Variants in FRYL observed in about 807,000 individuals in gnomAD.
The protein encoded by FRYL is protein furry homolog-like.
Under a neutral mutation model 351.2 loss-of-function variants are expected in FRYL, and 150 were observed. That is an observed-to-expected ratio of 0.43 (90% confidence interval 0.37 to 0.49). The LOEUF (loss-of-function observed/expected upper bound fraction) is 0.49, where lower values mean the gene tolerates loss of function less well. FRYL is among the 20% of genes least tolerant of loss of function. The pLI, the probability that FRYL is intolerant of heterozygous loss-of-function variation, is 0.00. For missense variants in FRYL, 3,036 were observed against 3,619.3 expected, an observed-to-expected ratio of 0.84 and a Z score of 4.13; for synonymous variants, 1,153 against 1,257.1, an observed-to-expected ratio of 0.92 and a Z score of 1.75.
At chr4:48,648,931 C>T (rs1396843953) in intron 3 of FRYL, among the ~76,000 whole-genome samples, 1 of 152,018 alleles carries the variant, frequency 6.6e-6, no homozygotes, top group African/African-American at 2.4e-5. Context: ...ACACTAAAAC[C>T]CACCAAATTG....
In FRYL at chr4:48,505,685, A is replaced by ATGGTGTTGT. The variant is rs1385699659; in HGVS notation, c.8395-71_8395-70insACAACACCA. ...GTAGTGTAACAGCCTGTCCATATACAACACCAAACTTAAAGTTAACTTGAA... is the reference window on the plus strand; with the variant it reads ...GTAGTGTAACAGCCTGTCCATATACATGGTGTTGTACACCAAACTTAAAGTTAACTTGAA... On this transcript the variant is annotated intron_variant, in intron 59 of 63. Coordinates refer to ENST00000358350, the MANE Select transcript of FRYL (RefSeq NM_015030.2). 46 of 910,926 alleles carry ATGGTGTTGT rather than the reference A, an allele frequency of 5.0e-5. No individual in the cohort carries two copies. In the African/African-American group the frequency reaches 7.2e-4, roughly 14 times the overall value. The allele number at this position is 910,926 out of a possible 1,614,324, so 56.4% of individuals were successfully genotyped here.
chr4:48,512,340 A>C, intron 57 of FRYL, 141 bp downstream of exon 57: 1 of 617,350 alleles, frequency 1.6e-6, no homozygotes, highest in East Asian at 2.8e-5. Flanking sequence ...GTGTCAATGT[A>C]AGTAATACCA....
In FRYL at chr4:48,510,929, T is replaced by C. The variant is rs368427484; in HGVS notation, c.8201A>G (p.Asp2734Gly). 4.3e-6 allele frequency: 7 copies of C among 1,612,510 alleles called. No individual in the cohort carries two copies. Among genetic ancestry groups the C allele is most frequent in the African/African-American group, 2.7e-5 (2 of 75,024 alleles). Residue 2734 changes from aspartate to glycine, a missense_variant, in exon 58 of 64, where the codon GAT becomes GGT. Physicochemically the swap from Asp to Gly is moderately conservative, Grantham distance 94 (BLOSUM62 -1). Around this residue, in one of 7 missense-constraint regions of FRYL, gnomAD observed 1,987 missense variants for 2,311.7 expected, o/e 0.86. Coordinates refer to ENST00000358350, the MANE Select transcript of FRYL (RefSeq NM_015030.2). ...TTTGGTACCAATGCGTTGCAGACTA[T>C]CACCAAGAAAGCTGACTGCCTCATT... ...ITNEAVSFLG[D>G]SLQRIGTKFK...
At chr4:48,595,514 T>G in intron 15 of FRYL, 76 bp downstream of exon 15, 1 of 763,470 alleles carries the variant, frequency 1.3e-6, no homozygotes, top group Non-Finnish European at 2.1e-6. Flanking sequence ...GCATAAAAAA[T>G]TTCAAAGCTC....
At chr4:48,729,783 A>G (rs1347677749) in intron 1 of FRYL, among the ~76,000 whole-genome samples, 1 of 152,228 alleles carries the variant, frequency 6.6e-6, no homozygotes. Context: ...AAAGATGGAG[A>G]GAAGCCACAG....
chr4:48,561,898 C>G (rs1191998202), intron 32 of FRYL, among the ~76,000 whole-genome samples: 1 of 151,988 alleles, frequency 6.6e-6, no homozygotes, highest in Non-Finnish European at 1.5e-5. Context: ...TGCCTGTGGT[C>G]CCAGCTACTC....
At chr4:48,672,268 G>A (rs1182379565) in intron 3 of FRYL, among the ~76,000 whole-genome samples, 2 of 152,172 alleles carry the variant, frequency 1.3e-5, no homozygotes, top group Admixed American at 6.6e-5. Flanking sequence ...GCTTAGTCTG[G>A]ATGGAAGTGC....
chr4:48,559,528 C>CAAAA lies in FRYL; in HGVS notation c.3866-1820_3866-1817dup, dbSNP rs67320603. 2.5e-3 allele frequency among the ~76,000 whole-genome samples: 26 copies of CAAAA among 10,374 alleles called. 5 individuals carry two copies. Among genetic ancestry groups the CAAAA allele is most frequent in the South Asian group, 0.037 (2 of 54 alleles). 6.8% of individuals were successfully genotyped at this position (10,374 alleles called of 152,430 possible). A position where few individuals can be genotyped will look rare whatever the true frequency, so the allele number is the denominator to read the frequency against. On this transcript the variant is annotated intron_variant, in intron 33 of 63. Coordinates refer to ENST00000358350, the MANE Select transcript of FRYL (RefSeq NM_015030.2). ...GGGTAACAGCCAGATCCTCTCTCTCCAAAAAAAAAAAAAAAAAAAAAAAGC... is the reference window on the plus strand; with the variant it reads ...GGGTAACAGCCAGATCCTCTCTCTCCAAAAAAAAAAAAAAAAAAAAAAAAAAAGC...
At chr4:48,640,559 ATAG>A (rs1578476765) in intron 3 of FRYL, among the ~76,000 whole-genome samples, 1 of 152,280 alleles carries the variant, frequency 6.6e-6, no homozygotes, top group East Asian at 1.9e-4. Flanking sequence ...CCTCTGTAGT[ATAG>A]TATATGGTGG....
intron 1 of FRYL, among the ~76,000 whole-genome samples, chr4:48,772,161 G>A (rs994218311): frequency 6.6e-6 from 1 of 152,170 alleles, no homozygotes; most frequent in African/African-American, 2.4e-5. Context: ...CTTTTAAGGT[G>A]GAAGGATGCA....
intron 41 of FRYL, chr4:48,546,733 T>G (rs1209916401): frequency 6.4e-6 from 1 of 157,164 alleles, no homozygotes; most frequent in Non-Finnish European, 1.4e-5. Context: ...TTAAAGGTTA[T>G]TACTAATGCC....
intron 19 of FRYL, among the ~76,000 whole-genome samples, chr4:48,584,538 T>C (rs1282655105): frequency 6.6e-6 from 1 of 152,194 alleles, no homozygotes; most frequent in Non-Finnish European, 1.5e-5. Flanking sequence ...CTGTCTCTAA[T>C]AGCGGCACCA....
chr4:48,634,549 A>C, intron 3 of FRYL, 59 bp from the exon 4 acceptor site: 1 of 1,305,710 alleles, frequency 7.7e-7, no homozygotes, highest in East Asian at 2.5e-5. Flanking sequence ...GAGGTCTACC[A>C]TAACTACCCT....
chr4:48,501,565 T>A, intron 62 of FRYL, 58 bp downstream of exon 62: 3 of 945,148 alleles, frequency 3.2e-6, no homozygotes, highest in Non-Finnish European at 5.1e-6. Context: ...AGTAATAGAT[T>A]TTATTTTAAA....
chr4:48,663,932 G>C (rs1307537665), intron 3 of FRYL, among the ~76,000 whole-genome samples: 1 of 152,116 alleles, frequency 6.6e-6, no homozygotes, highest in Non-Finnish European at 1.5e-5. Context: ...GCAGTGAAGG[G>C]GATATACTCA....
At chr4:48,533,703 G>T (rs549377338) in intron 49 of FRYL, among the ~76,000 whole-genome samples, 1 of 152,086 alleles carries the variant, frequency 6.6e-6, no homozygotes. Context: ...AGCTCAAACC[G>T]ACAGCTTAAC....
chr4:48,686,274 G>T (rs1435135672), intron 2 of FRYL, among the ~76,000 whole-genome samples: 1 of 151,934 alleles, frequency 6.6e-6, no homozygotes, highest in Admixed American at 6.6e-5. Flanking sequence ...TTACTCACAG[G>T]CATAATCAAT....
intron 1 of FRYL, among the ~76,000 whole-genome samples, chr4:48,725,871 T>C (rs890934700): frequency 2.6e-5 from 4 of 152,190 alleles, no homozygotes; most frequent in Non-Finnish European, 5.9e-5. Context: ...GAGGTATGTA[T>C]GTATGGGAAA....
At chr4:48,534,900 C>A (rs1236370041) in intron 48 of FRYL, among the ~76,000 whole-genome samples, 1 of 152,106 alleles carries the variant, frequency 6.6e-6, no homozygotes, top group Non-Finnish European at 1.5e-5. Flanking sequence ...AACTTTTCAT[C>A]TAAATCATGG....
Sources: gnomAD v4.1 joint callset for allele counts (sites outside exome capture counted in the v4.1 genomes callset) on GRCh38, gnomAD v4.1.1 for gene constraint, gnomAD v4.1.1 regional missense constraint, MANE v1.5 for transcripts, NCBI Gene and HGNC (gene_info 2026-07-23, HGNC 2026-07-21) for gene names.